Variants in DOCK1 observed in about 807,000 individuals in gnomAD.
The protein encoded by DOCK1 is dedicator of cytokinesis 1.
A neutral mutation model predicts 262.7 loss-of-function variants in DOCK1; 138 were observed. That is an observed-to-expected ratio of 0.53 (90% CI 0.46 to 0.61). The LOEUF (loss-of-function observed/expected upper bound fraction) is 0.61. Among genes scored for constraint, DOCK1 ranks in the 20% least tolerant of loss-of-function variants. The pLI, the probability that DOCK1 is intolerant of heterozygous loss-of-function variation, is 0.00. For synonymous variants in DOCK1, 866 were observed against 867.4 expected, an observed-to-expected ratio of 1.00 and a Z score of 0.03; for missense variants, 1,908 against 2,370.7, an observed-to-expected ratio of 0.80 and a Z score of 4.05.
intron 18 of DOCK1, among the ~76,000 whole-genome samples, chr10:127,035,626 T>C (rs1005330821): frequency 1.3e-5 from 2 of 152,218 alleles, no homozygotes; most frequent in African/African-American, 4.8e-5. Flanking sequence ...CTGGTAATTC[T>C]TGTGAGATGG....
intron 23 of DOCK1, among the ~76,000 whole-genome samples, chr10:127,088,486 G>C (rs987111875): frequency 1.3e-5 from 2 of 152,142 alleles, no homozygotes; most frequent in Admixed American, 6.5e-5. Flanking sequence ...ATATGTCTCT[G>C]AACTCTTGCT....
chr10:127,262,699 G>A (rs867360640), intron 29 of DOCK1, among the ~76,000 whole-genome samples: 3 of 152,180 alleles, frequency 2.0e-5, no homozygotes, highest in Non-Finnish European at 4.4e-5. Flanking sequence ...TGAAGGGTTT[G>A]CATCACTTTC....
At chr10:127,315,083 T>C (rs1564985830) in intron 29 of DOCK1, among the ~76,000 whole-genome samples, 2 of 152,158 alleles carry the variant, frequency 1.3e-5, no homozygotes, top group African/African-American at 2.4e-5. Context: ...CTCCTCGTCA[T>C]AGGGTGGGCT....
intron 51 of DOCK1, among the ~76,000 whole-genome samples, chr10:127,450,747 A>AAGCCAGCC (rs1191180913): frequency 1.3e-5 from 2 of 152,166 alleles, no homozygotes; most frequent in Non-Finnish European, 2.9e-5. Flanking sequence ...CCATGAGCTG[A>AAGCCAGCC]AGCCAGCCAG....
chr10:127,138,564 G>C (rs539990048), intron 27 of DOCK1, among the ~76,000 whole-genome samples: 2 of 152,244 alleles, frequency 1.3e-5, no homozygotes, highest in African/African-American at 4.8e-5. Context: ...TCTGATAAGG[G>C]CCATAGTGCC....
At chr10:127,156,866 C>T (rs2053137769) in intron 27 of DOCK1, among the ~76,000 whole-genome samples, 1 of 152,154 alleles carries the variant, frequency 6.6e-6, no homozygotes, top group South Asian at 2.1e-4. Context: ...CCATGCCTGG[C>T]CCGAGATATT....
intron 27 of DOCK1, among the ~76,000 whole-genome samples, chr10:127,141,485 T>C (rs1022746568): frequency 2.0e-5 from 3 of 152,066 alleles, no homozygotes; most frequent in Non-Finnish European, 4.4e-5. Flanking sequence ...GGCGGATCAC[T>C]TGAGATCAGG....
chr10:127,229,619 C>T (rs76346409), intron 27 of DOCK1, among the ~76,000 whole-genome samples: 3,134 of 152,160 alleles, frequency 0.021, 47 homozygotes, highest in East Asian at 0.096. Context: ...TCACATTTTC[C>T]GTATCCATCC....
At chr10:126,913,766 T>C (rs866204842) in intron 1 of DOCK1, among the ~76,000 whole-genome samples, 2 of 152,314 alleles carry the variant, frequency 1.3e-5, no homozygotes, top group Middle Eastern at 3.4e-3. Context: ...TTTGGGTGCC[T>C]TGAGGAGAAA....
chr10:127,007,947 CTTAA>C (rs1283757262), intron 10 of DOCK1, among the ~76,000 whole-genome samples: 1 of 152,116 alleles, frequency 6.6e-6, no homozygotes, highest in Non-Finnish European at 1.5e-5. Flanking sequence ...TACTTGTTGG[CTTAA>C]TTGTTTGCGG....
intron 19 of DOCK1, 31 bp downstream of exon 19, chr10:127,037,847 T>C: frequency 2.5e-6 from 3 of 1,222,640 alleles, no homozygotes; most frequent in African/African-American, 1.7e-5. Flanking sequence ...ACTTTTTGGG[T>C]CTTTTTTTTT....
At chr10:127,014,848 T>C (rs1363311693) in intron 12 of DOCK1, 1 of 152,338 alleles carries the variant, frequency 6.6e-6, no homozygotes, top group East Asian at 1.9e-4. Flanking sequence ...TGCCCATCTG[T>C]CTGCTTACCT....
At chr10:127,317,347 C>T (rs1191881370) in intron 29 of DOCK1, among the ~76,000 whole-genome samples, 1 of 152,066 alleles carries the variant, frequency 6.6e-6, no homozygotes, top group Non-Finnish European at 1.5e-5. Context: ...ATGTTTTTTC[C>T]AAAATATGGC....
At chr10:127,298,645 G>A (rs571107623) in intron 29 of DOCK1, among the ~76,000 whole-genome samples, 2 of 152,324 alleles carry the variant, frequency 1.3e-5, no homozygotes, top group African/African-American at 4.8e-5. Flanking sequence ...GATGAGCTCA[G>A]AGCTGGGCTT....
intron 27 of DOCK1, among the ~76,000 whole-genome samples, chr10:127,163,339 C>T (rs1407066451): frequency 4.6e-5 from 7 of 152,056 alleles, no homozygotes; most frequent in African/African-American, 1.7e-4. Context: ...TTCTCCGCCA[C>T]ATTTATCGCC....
At chr10:127,236,693 T>G (rs188524460) in intron 27 of DOCK1, among the ~76,000 whole-genome samples, 1 of 151,920 alleles carries the variant, frequency 6.6e-6, no homozygotes, top group Admixed American at 6.6e-5. Flanking sequence ...CTTATTTGAC[T>G]CCCGTGTCAA....
chr10:127,264,335 T>C (rs2060279927), intron 29 of DOCK1, among the ~76,000 whole-genome samples: 1 of 152,218 alleles, frequency 6.6e-6, no homozygotes, highest in African/African-American at 2.4e-5. Flanking sequence ...CTTCCAGGCA[T>C]TCCTCTCTGT....
chr10:127,272,334 A>G (rs1004498496), intron 29 of DOCK1: 4 of 152,176 alleles, frequency 2.6e-5, no homozygotes, highest in African/African-American at 9.6e-5. Context: ...TCTTTCCTCC[A>G]TGCTTTGGCA....
At chr10:127,058,380 T>G (rs951067) in intron 22 of DOCK1, among the ~76,000 whole-genome samples, 1 of 151,632 alleles carries the variant, frequency 6.6e-6, no homozygotes, top group South Asian at 2.1e-4. Flanking sequence ...TCCATCCTTT[T>G]ATTTTCATGC....
Sources: gnomAD v4.1 joint callset for allele counts (sites outside exome capture counted in the v4.1 genomes callset) on GRCh38, gnomAD v4.1.1 for gene constraint, MANE v1.5 for transcripts, NCBI Gene and HGNC (gene_info 2026-07-23, HGNC 2026-07-21) for gene names.